Variants in FETUB observed in about 807,000 individuals in gnomAD.
FETUB encodes fetuin B.
FETUB carries 28 observed loss-of-function variants against 30.9 expected under a neutral mutation model. That is an observed-to-expected ratio of 0.90 (90% CI 0.67 to 1.24). FETUB has a LOEUF of 1.24. FETUB is among the 50% of genes most tolerant of loss of function. FETUB has a pLI of 0.00. For missense variants in FETUB, 469 were observed against 455.3 expected, an observed-to-expected ratio of 1.03 and a Z score of -0.27; for synonymous variants, 186 against 175.9, an observed-to-expected ratio of 1.06 and a Z score of -0.45.
chr3:186,650,180 G>GC (rs1717903502), intron 5 of FETUB, among the ~76,000 whole-genome samples: 1 of 85,722 alleles, frequency 1.2e-5, no homozygotes, highest in Admixed American at 1.7e-4. Context: ...TGGGGGGGGG[G>GC]GGTAAATCAC....
chr3:186,642,276 A>G (rs371622237), intron 2 of FETUB, 195 bp from the exon 3 acceptor site: 5 of 554,024 alleles, frequency 9.0e-6, no homozygotes, highest in African/African-American at 7.7e-5. Context: ...GAGGCTTGGA[A>G]ACATATTCTA....
At chr3:186,640,370 A>C, upstream of FETUB, 4 of 987,586 alleles carry the variant, frequency 4.1e-6, no homozygotes, top group Non-Finnish European at 6.3e-6. Context: ...GTTGTAACAA[A>C]ACCGCTCAAG....
chr3:186,642,522 C>A lies in FETUB; in HGVS notation c.388C>A (p.Leu130Ile), dbSNP rs766955275. The A allele has an allele frequency of 1.2e-6, 2 of 1,608,626 alleles. No homozygotes were observed. Among genetic ancestry groups the A allele is most frequent in the Admixed American group, 1.7e-5 (1 of 59,830 alleles). ...IFYMNNPSRVLYLAAYNCTLR... is the reference protein window; with the variant it reads ...IFYMNNPSRVIYLAAYNCTLR... ...TTATATGAACAACCCAAGTAGAGTT[C>A]TCTATTTAGCTGCTTATAACTGTAC... Residue 130 changes from leucine (L) to isoleucine (I), a missense_variant, in exon 3 of 7, where the codon CTC becomes ATC. Transcript: ENST00000265029.
At chr3:186,644,281 C>T (rs1013039237) in intron 3 of FETUB, among the ~76,000 whole-genome samples, 2 of 152,164 alleles carry the variant, frequency 1.3e-5, no homozygotes, top group African/African-American at 2.4e-5. Flanking sequence ...AAACGGGGTG[C>T]GCTTCTGCCT....
At chr3:186,642,314 T>A in intron 2 of FETUB, 157 bp from the exon 3 acceptor site, 1 of 600,044 alleles carries the variant, frequency 1.7e-6, no homozygotes. Flanking sequence ...GGTTAAACAG[T>A]TTGATCATCA....
intron 5 of FETUB, among the ~76,000 whole-genome samples, chr3:186,650,287 T>C (rs563604411): frequency 7.4e-4 from 112 of 152,236 alleles, no homozygotes; most frequent in African/African-American, 2.6e-3. Context: ...AGAGCTCTTC[T>C]TTAGAAATTG....
intron 4 of FETUB, among the ~76,000 whole-genome samples, chr3:186,645,591 G>C (rs1461689167): frequency 6.6e-6 from 1 of 151,936 alleles, no homozygotes; most frequent in Non-Finnish European, 1.5e-5. Flanking sequence ...GCCTCCCAAA[G>C]TGCCAGGATT....
At chr3:186,649,746 C>T (rs558543701) in intron 5 of FETUB, among the ~76,000 whole-genome samples, 1 of 152,332 alleles carries the variant, frequency 6.6e-6, no homozygotes, top group South Asian at 2.1e-4. Flanking sequence ...GCTGGGATTA[C>T]AGGCGTGAGC....
intron 5 of FETUB, among the ~76,000 whole-genome samples, chr3:186,650,580 A>G (rs966924699): frequency 1.3e-5 from 2 of 152,154 alleles, no homozygotes; most frequent in Non-Finnish European, 2.9e-5. Flanking sequence ...GTTAAGTGAC[A>G]AAATAGAGTT....
In FETUB at chr3:186,652,872, C is replaced by T; in HGVS notation, c.*241C>T. On this transcript the variant is annotated 3_prime_UTR_variant, in exon 7 of 7. Transcript: ENST00000265029. ...GAGCTGCATCACCTCCTAAACTGAG[C>T]AGTCTCATACCATGGAGAGATGCCT... 4.8e-6 allele frequency: 2 copies of T among 415,362 alleles called. No individual in the cohort carries two copies. Among genetic ancestry groups the T allele is most frequent in the Admixed American group, 3.9e-5 (1 of 25,368 alleles). The allele number at this position is 415,362 out of a possible 1,614,324, so 25.7% of individuals were successfully genotyped here.
rs1389753216 is a variant in FETUB at position 186,646,283 on chromosome 3, A to T, written c.630A>T (p.Leu210Phe). 1 of 1,613,910 alleles carries T rather than the reference A, an allele frequency of 6.2e-7. No homozygotes were observed. Among genetic ancestry groups the T allele is most frequent in the South Asian group, 1.1e-5 (1 of 91,076 alleles). ...VVGPSYFVEYLIKESPCTKSQ... is the reference protein window; with the variant it reads ...VVGPSYFVEYFIKESPCTKSQ... Reference sequence around the variant, plus strand: ...GCCCTTCTTACTTTGTGGAATACTTAATTAAAGAATCACCATGTACTAAAT... The same window carrying T: ...GCCCTTCTTACTTTGTGGAATACTTTATTAAAGAATCACCATGTACTAAAT... The change falls in exon 5 of 7, where the codon TTA becomes TTT. Residue 210 changes from leucine to phenylalanine, a missense_variant. By Grantham distance (22) the Leu-to-Phe change is conservative. Coordinates refer to ENST00000265029, the MANE Select transcript of FETUB (RefSeq NM_014375.3).
chr3:186,640,454 C>A lies in FETUB; in HGVS notation c.-7C>A. On this transcript the variant is annotated 5_prime_UTR_variant, in exon 1 of 7. Transcript: ENST00000265029. ...ACTGACCCATCCTGGGCCTTGTTCTCCACAGAATGGGTCTGCTCCTTCCCC... is the reference window on the plus strand; with the variant it reads ...ACTGACCCATCCTGGGCCTTGTTCTACACAGAATGGGTCTGCTCCTTCCCC... 2 of 1,612,130 alleles carry A rather than the reference C, an allele frequency of 1.2e-6. No individual in the cohort carries two copies. Among genetic ancestry groups the A allele is most frequent in the Non-Finnish European group, 1.7e-6 (2 of 1,178,170 alleles).
At chr3:186,640,829 G>T (rs998051445) in intron 1 of FETUB, 144 bp downstream of exon 1, 2 of 744,550 alleles carry the variant, frequency 2.7e-6, no homozygotes, top group Non-Finnish European at 4.6e-6. Context: ...CTCTGCCAGG[G>T]TCAGCAACAA....
intron 5 of FETUB, among the ~76,000 whole-genome samples, chr3:186,650,812 G>C (rs972938978): frequency 1.3e-5 from 2 of 152,186 alleles, no homozygotes; most frequent in East Asian, 1.9e-4. Flanking sequence ...AATTTAAGGA[G>C]CTGAGAGTGG....
chr3:186,643,785 C>T (rs1423249119), intron 3 of FETUB, among the ~76,000 whole-genome samples: 1 of 152,152 alleles, frequency 6.6e-6, no homozygotes, highest in Non-Finnish European at 1.5e-5. Context: ...CACAAAATTT[C>T]TAAAAACAAT....
At position 186,644,868 on chromosome 3, in the gene FETUB, A is replaced by G; in HGVS notation, c.542A>G (p.Glu181Gly). ...ATESLAKYNN[E>G]NTSKQYSLFK... ...GAGTCTCTTGCGAAATACAACAATG[A>G]GAACACATCCAAGCAGTATTCTCTC... is the stretch of plus-strand genomic sequence containing the variant. Residue 181 changes from glutamate to glycine, a missense_variant, in exon 4 of 7, where the codon GAG becomes GGG. Transcript: ENST00000265029. 1 of 1,614,030 alleles carries G rather than the reference A, an allele frequency of 6.2e-7. No individual in the cohort carries two copies. Among genetic ancestry groups the G allele is most frequent in the Non-Finnish European group, 8.5e-7 (1 of 1,180,000 alleles).
At chr3:186,651,048 G>T (rs1399295597) in intron 5 of FETUB, 170 bp from the exon 6 acceptor site, 3 of 570,168 alleles carry the variant, frequency 5.3e-6, no homozygotes, top group Admixed American at 3.2e-5. Context: ...GCCTAATTTG[G>T]ATGATTTCTT....
chr3:186,647,391 A>G (rs1291939192), intron 5 of FETUB, among the ~76,000 whole-genome samples: 4 of 152,154 alleles, frequency 2.6e-5, no homozygotes, highest in Non-Finnish European at 4.4e-5. Context: ...AAAATGCTCC[A>G]TGTTTAACCC....
At chr3:186,648,818 A>G (rs1717756901) in intron 5 of FETUB, among the ~76,000 whole-genome samples, 2 of 152,210 alleles carry the variant, frequency 1.3e-5, no homozygotes, top group African/African-American at 2.4e-5. Flanking sequence ...AAGTGTGTAG[A>G]AAGACGATTG....
Sources: allele counts gnomAD v4.1 joint callset (sites outside exome capture counted in the v4.1 genomes callset), GRCh38; gene constraint gnomAD v4.1.1; transcripts MANE v1.5; gene names NCBI Gene and HGNC (gene_info 2026-07-23, HGNC 2026-07-21).